Variants in FGF14 observed in about 807,000 individuals in gnomAD.
FGF14 encodes the protein fibroblast growth factor homologous factor 4.
Under a neutral mutation model 25.5 loss-of-function variants are expected in FGF14, and 5 were observed. The observed-to-expected ratio is 0.20, with a 90% confidence interval of 0.10 to 0.41. The LOEUF (loss-of-function observed/expected upper bound fraction) is 0.41, where lower values mean the gene tolerates loss of function less well. Ranked by LOEUF, FGF14 falls within the 10% of genes least tolerant of loss-of-function variation. The pLI, the probability that FGF14 is intolerant of heterozygous loss-of-function variation, is 1.00. For synonymous variants in FGF14, 138 were observed against 118.3 expected (o/e 1.17, Z -1.08); for missense variants, 222 against 320.1 (o/e 0.69, Z 2.34).
intron 1 of FGF14, among the ~76,000 whole-genome samples, chr13:102,310,342 T>C (rs1241853006): frequency 6.6e-6 from 1 of 152,140 alleles, no homozygotes. Flanking sequence ...GTTTGTTTGT[T>C]TGGATCACCA....
chr13:101,919,861 G>A (rs914682243), upstream of FGF14, among the ~76,000 whole-genome samples: 1 of 151,456 alleles, frequency 6.6e-6, no homozygotes, highest in African/African-American at 2.4e-5. Flanking sequence ...TTTCTTTCTC[G>A]AGCGTCCCGA....
intron 1 of FGF14, among the ~76,000 whole-genome samples, chr13:102,360,663 G>A (rs1002531846): frequency 1.3e-5 from 2 of 152,110 alleles, no homozygotes; most frequent in Non-Finnish European, 2.9e-5. Flanking sequence ...AAAAATTAGC[G>A]AGAAGAATAC....
intron 1 of FGF14, among the ~76,000 whole-genome samples, chr13:101,950,712 A>T (rs1386944099): frequency 6.6e-6 from 1 of 151,830 alleles, no homozygotes; most frequent in African/African-American, 2.4e-5. Context: ...TGCCAAATTT[A>T]AAAATGTGAT....
intron 1 of FGF14, among the ~76,000 whole-genome samples, chr13:102,316,898 T>C (rs2056050082): frequency 6.6e-6 from 1 of 152,188 alleles, no homozygotes; most frequent in Admixed American, 6.5e-5. Flanking sequence ...TGCTGGCATC[T>C]TTCAGGATGA....
chr13:102,203,064 C>T (rs1382903720), intron 1 of FGF14, among the ~76,000 whole-genome samples: 2 of 152,154 alleles, frequency 1.3e-5, no homozygotes, highest in Non-Finnish European at 1.5e-5. Flanking sequence ...CCTATTCCAG[C>T]AGCATTATGA....
chr13:102,322,089 G>A (rs1276815933), intron 1 of FGF14, among the ~76,000 whole-genome samples: 3 of 152,158 alleles, frequency 2.0e-5, no homozygotes, highest in African/African-American at 7.2e-5. Flanking sequence ...AGCATTCACT[G>A]TAATGAAAAA....
At chr13:102,038,881 T>C (rs1450145487) in intron 1 of FGF14, among the ~76,000 whole-genome samples, 1 of 152,174 alleles carries the variant, frequency 6.6e-6, no homozygotes, top group Non-Finnish European at 1.5e-5. Flanking sequence ...TAGGAAAAAC[T>C]TTCCTGTCCC....
intron 1 of FGF14, among the ~76,000 whole-genome samples, chr13:102,225,219 C>T (rs1468312776): frequency 6.6e-6 from 1 of 152,120 alleles, no homozygotes; most frequent in African/African-American, 2.4e-5. Flanking sequence ...CTCCTCTCTT[C>T]ACTGGCCTTT....
At chr13:102,238,145 A>G (rs2051414942) in intron 1 of FGF14, among the ~76,000 whole-genome samples, 1 of 152,238 alleles carries the variant, frequency 6.6e-6, no homozygotes, top group Admixed American at 6.5e-5. Context: ...AGAAATTTGT[A>G]TTGTAAAGGC....
At position 101,722,892 on chromosome 13, in the gene FGF14, C is replaced by A; in HGVS notation, c.683G>T (p.Ser228Ile). ...VPKPGVTPSK[S>I]TSASAIMNGG... ...ATTCATTATTGCAGACGCACTTGTG[C>A]TTTTACTTGGCGTCACCCCAGGCTT... is the stretch of plus-strand genomic sequence containing the variant. The change falls in exon 5 of 5, where the codon AGC becomes ATC. Residue 228 changes from serine (S) to isoleucine (I), a missense_variant. Ser to Ile is a moderately radical substitution (Grantham distance 142, BLOSUM62 -2). Coordinates refer to ENST00000376143, the MANE Select transcript of FGF14 (RefSeq NM_004115.4). 2 of 1,613,316 alleles carry A rather than the reference C, an allele frequency of 1.2e-6. No homozygotes were observed.
chr13:102,355,506 T>C (rs2057396146), intron 1 of FGF14, among the ~76,000 whole-genome samples: 1 of 150,994 alleles, frequency 6.6e-6, no homozygotes, highest in Non-Finnish European at 1.5e-5. Flanking sequence ...GCTGGAAGTT[T>C]GCAGCTTTGA....
At chr13:102,335,988 C>A (rs1273470845) in intron 1 of FGF14, among the ~76,000 whole-genome samples, 1 of 152,142 alleles carries the variant, frequency 6.6e-6, no homozygotes, top group African/African-American at 2.4e-5. Context: ...GCTGTTCCCC[C>A]ATCTCTTTCC....
chr13:102,090,008 C>T (rs2044094462), intron 1 of FGF14, among the ~76,000 whole-genome samples: 1 of 152,230 alleles, frequency 6.6e-6, no homozygotes, highest in South Asian at 2.1e-4. Flanking sequence ...GCTTAAATGG[C>T]AACAGACCCT....
intron 3 of FGF14, among the ~76,000 whole-genome samples, chr13:101,858,002 T>TG (rs1347016690): frequency 2.6e-5 from 4 of 151,906 alleles, no homozygotes; most frequent in African/African-American, 9.7e-5. Context: ...GTTATTCCTC[T>TG]GGAAAAAAAG....
intron 1 of FGF14, among the ~76,000 whole-genome samples, chr13:102,203,202 T>G (rs1467907886): frequency 6.6e-6 from 1 of 152,226 alleles, no homozygotes; most frequent in African/African-American, 2.4e-5. Context: ...TTTATGTAAA[T>G]ACTGTAATAA....
intron 1 of FGF14, among the ~76,000 whole-genome samples, chr13:102,219,738 G>A (rs748244856): frequency 1.3e-5 from 2 of 152,106 alleles, no homozygotes; most frequent in Admixed American, 1.3e-4. Context: ...TCAAAGTGAA[G>A]CCAATAATGA....
chr13:101,751,039 T>G (rs1594121169), intron 3 of FGF14, among the ~76,000 whole-genome samples: 1 of 148,972 alleles, frequency 6.7e-6, no homozygotes, highest in Non-Finnish European at 1.5e-5. Context: ...AGGGGGAGGG[T>G]GGAGAGAGGG....
At chr13:102,233,887 T>G (rs1248552875) in intron 1 of FGF14, among the ~76,000 whole-genome samples, 1 of 152,210 alleles carries the variant, frequency 6.6e-6, no homozygotes. Context: ...AATTGGTTTC[T>G]CGTCAAGTTT....
rs3064706 is a variant in FGF14, at chr13:101,790,409, CT to C, written c.409-63600del. 8.4e-3 allele frequency among the ~76,000 whole-genome samples: 1,208 copies of C among 143,166 alleles called. 20 individuals carry two copies. Among genetic ancestry groups the C allele is most frequent in the African/African-American group, 0.028 (1,055 of 37,960 alleles). 93.9% of individuals were successfully genotyped at this position (143,166 alleles called of 152,430 possible). A position where few individuals can be genotyped will look rare whatever the true frequency, so the allele number is the denominator to read the frequency against. On this transcript the variant is annotated intron_variant, in intron 3 of 4. Coordinates refer to ENST00000376143, the MANE Select transcript of FGF14 (RefSeq NM_004115.4). ...TTTACTAGCTGGCTCTATTCATTTT[CT>C]TTTTTTTTTTTTTTTAACTTTTGTT...
Sources: gnomAD v4.1 joint callset for allele counts (sites outside exome capture counted in the v4.1 genomes callset) on GRCh38, gnomAD v4.1.1 for gene constraint, MANE v1.5 for transcripts, NCBI Gene and HGNC (gene_info 2026-07-23, HGNC 2026-07-21) for gene names.